The following PRDM16 variants were observed in gnomAD, a reference collection of about 807,000 sequenced individuals.
PRDM16 encodes histone-lysine N-methyltransferase PRDM16.
A neutral mutation model predicts 110.6 loss-of-function variants in PRDM16; 23 were observed. That is an observed-to-expected ratio of 0.21 (90% CI 0.15 to 0.29). The LOEUF is 0.29. Among genes scored for constraint, PRDM16 ranks in the 10% least tolerant of loss-of-function variants. The pLI is 1.00. For missense variants in PRDM16, 1,615 were observed against 1,794.3 expected, an observed-to-expected ratio of 0.90 and a Z score of 1.81; for synonymous variants, 799 against 781.8, an observed-to-expected ratio of 1.02 and a Z score of -0.37.
chr1:3,098,380 C>T (rs2981871), intron 1 of PRDM16, among the ~76,000 whole-genome samples: 265 of 152,280 alleles, frequency 1.7e-3, no homozygotes, highest in African/African-American at 6.0e-3. Context: ...TGCGGAGTGG[C>T]GAGCTGGCAA....
At chr1:3,166,904 G>A (rs947751728) in intron 1 of PRDM16, among the ~76,000 whole-genome samples, 2 of 152,212 alleles carry the variant, frequency 1.3e-5, no homozygotes, top group Non-Finnish European at 2.9e-5. Flanking sequence ...CGAAGCAGGT[G>A]CTGTTTTTCT....
chr1:3,114,827 G>A lies in PRDM16; in HGVS notation c.37+45531G>A, dbSNP rs951480470. Among the ~76,000 whole-genome samples, 5 of 152,380 alleles carry A rather than the reference G, an allele frequency of 3.3e-5. 1 individual carries two copies. Among genetic ancestry groups the A allele is most frequent in the African/African-American group, 1.2e-4 (5 of 41,598 alleles). ...GCCCAGACCATCCCAGGTCAGCCCT[G>A]CAATTGATCTCCAGAGTCCCAGATG... On this transcript the variant is annotated intron_variant, in intron 1 of 16. Transcript: ENST00000270722.
At position 3,412,457 on chromosome 1, in the gene PRDM16, G is replaced by C. The variant is rs369599647; in HGVS notation, c.2260G>C (p.Glu754Gln). 1.2e-6 allele frequency: 2 copies of C among 1,612,754 alleles called. No homozygotes were observed. The highest frequency in any genetic ancestry group is 2.2e-5 in the East Asian group (1 of 44,798). ...CGCCCACAACTTGCTGGTCAAGGCC[G>C]AGCCAAAGTCACCCCGGGACGCCCT... Reference protein sequence around the residue: ...ALAHNLLVKAEPKSPRDALKV... With the variant: ...ALAHNLLVKAQPKSPRDALKV... Residue 754 changes from glutamate (E) to glutamine (Q), a missense_variant, in exon 9 of 17, where the codon GAG becomes CAG. Physicochemically the swap from Glu to Gln is conservative, Grantham distance 29. Coordinates refer to ENST00000270722, the MANE Select transcript of PRDM16 (RefSeq NM_022114.4).
intron 3 of PRDM16, among the ~76,000 whole-genome samples, chr1:3,285,644 G>A (rs775274162): frequency 2.6e-5 from 4 of 152,312 alleles, no homozygotes; most frequent in East Asian, 1.9e-4. Flanking sequence ...AGCCCAGGGC[G>A]TGCTTGAGCC....
chr1:3,332,280 T>C (rs1642056676), intron 3 of PRDM16, among the ~76,000 whole-genome samples: 1 of 152,280 alleles, frequency 6.6e-6, no homozygotes, highest in Non-Finnish European at 1.5e-5. Flanking sequence ...ATTAATTGAT[T>C]CCAATTACTC....
intron 1 of PRDM16, among the ~76,000 whole-genome samples, chr1:3,184,237 C>T (rs1644242870): frequency 6.6e-6 from 1 of 152,182 alleles, no homozygotes; most frequent in African/African-American, 2.4e-5. Context: ...ACGACTTTTC[C>T]CCCCAAGACT....
At chr1:3,123,350 G>A (rs950324389) in intron 1 of PRDM16, among the ~76,000 whole-genome samples, 6 of 152,212 alleles carry the variant, frequency 3.9e-5, no homozygotes, top group African/African-American at 1.2e-4. Flanking sequence ...ATCTCCAGGC[G>A]TCTGACAAAT....
chr1:3,172,596 G>T (rs537409731), intron 1 of PRDM16, among the ~76,000 whole-genome samples: 2 of 151,672 alleles, frequency 1.3e-5, no homozygotes, highest in South Asian at 4.2e-4. Flanking sequence ...GCACCCACAT[G>T]CCTGGACTAT....
intron 3 of PRDM16, among the ~76,000 whole-genome samples, chr1:3,321,573 A>T (rs1381925497): frequency 1.4e-5 from 2 of 144,568 alleles, no homozygotes; most frequent in African/African-American, 5.2e-5. Flanking sequence ...TGTGTGTGAG[A>T]GTGTTTGGAG....
In PRDM16 at chr1:3,095,210, A is replaced by G. The variant is rs544263344; in HGVS notation, c.37+25914A>G. Among the ~76,000 whole-genome samples, 3 of 152,266 alleles carry G rather than the reference A, an allele frequency of 2.0e-5. No individual in the cohort carries two copies. In the East Asian group the frequency reaches 5.8e-4, roughly 29 times the overall value. On this transcript the variant is annotated intron_variant, in intron 1 of 16. Transcript: ENST00000270722. ...TCCACCTCCCCAACCGCCAGTCCAA[A>G]CCATGCTGGCACTTGGTGACCAGGC...
chr1:3,147,426 C>A (rs529091539), intron 1 of PRDM16, among the ~76,000 whole-genome samples: 2 of 152,196 alleles, frequency 1.3e-5, no homozygotes, highest in South Asian at 2.1e-4. Context: ...CTGGGGCCTC[C>A]GACCAGGTGC....
chr1:3,289,124 C>T (rs574714782), intron 3 of PRDM16, among the ~76,000 whole-genome samples: 2 of 152,346 alleles, frequency 1.3e-5, no homozygotes, highest in South Asian at 2.1e-4. Flanking sequence ...CTGTGCTTGT[C>T]GCCCGGCCCC....
chr1:3,122,333 C>T (rs949309323), intron 1 of PRDM16, among the ~76,000 whole-genome samples: 4 of 152,200 alleles, frequency 2.6e-5, no homozygotes, highest in African/African-American at 9.7e-5. Flanking sequence ...GTCCCTCAAA[C>T]ATTCAAACAC....
At chr1:3,431,291 G>A (rs1638761398) in intron 15 of PRDM16, among the ~76,000 whole-genome samples, 183 bp downstream of exon 15, 1 of 152,218 alleles carries the variant, frequency 6.6e-6, no homozygotes. Context: ...ACGGGGTCAG[G>A]GGCCCTTAAC....
At chr1:3,231,970 C>T (rs1053275118) in intron 2 of PRDM16, among the ~76,000 whole-genome samples, 1 of 152,228 alleles carries the variant, frequency 6.6e-6, no homozygotes, top group African/African-American at 2.4e-5. Flanking sequence ...CGGAATTCCT[C>T]GCTGCAGCTG....
intron 1 of PRDM16, among the ~76,000 whole-genome samples, chr1:3,161,268 A>ACTCGAG (rs1314464041): frequency 6.6e-6 from 1 of 152,036 alleles, no homozygotes; most frequent in African/African-American, 2.4e-5. Context: ...CACACACACA[A>ACTCGAG]CACGCTCGAA....
chr1:3,371,722 G>T (rs767698021), intron 3 of PRDM16, among the ~76,000 whole-genome samples: 3 of 152,240 alleles, frequency 2.0e-5, no homozygotes, highest in Non-Finnish European at 4.4e-5. Context: ...AGGGCAGGGC[G>T]AGCCAAGGTG....
chr1:3,144,251 G>T (rs1437071708), intron 1 of PRDM16, among the ~76,000 whole-genome samples: 1 of 152,174 alleles, frequency 6.6e-6, no homozygotes, highest in Non-Finnish European at 1.5e-5. Context: ...CAGGGACCCA[G>T]CCCCGGTACA....
chr1:3,234,271 G>A (rs1367977116), intron 2 of PRDM16, among the ~76,000 whole-genome samples: 2 of 152,172 alleles, frequency 1.3e-5, no homozygotes, highest in South Asian at 4.1e-4. Context: ...GGCTTCCCGA[G>A]ACAGGGGCTT....
Sources: allele counts gnomAD v4.1 joint callset (sites outside exome capture counted in the v4.1 genomes callset), GRCh38; gene constraint gnomAD v4.1.1; transcripts MANE v1.5; gene names NCBI Gene and HGNC (gene_info 2026-07-23, HGNC 2026-07-21).